The following CDYL2 variants were observed in gnomAD, a reference collection of about 807,000 sequenced individuals.
The protein encoded by CDYL2 is chromodomain Y like 2.
CDYL2 carries 23 observed loss-of-function variants against 49.4 expected under a neutral mutation model. The ratio of observed to expected loss-of-function variants is 0.47; its 90% CI spans 0.34 to 0.66. The LOEUF (loss-of-function observed/expected upper bound fraction) is 0.66. CDYL2 is among the 30% of genes least tolerant of loss of function. The probability of loss-of-function intolerance (pLI) is 0.01; values close to 1 mark genes in which losing one functional copy is unlikely to be tolerated. For synonymous variants in CDYL2, 360 were observed against 268.8 expected (o/e 1.34, Z -3.32); for missense variants, 678 against 656.4 (o/e 1.03, Z -0.36).
chr16:80,692,539 G>C (rs995073054), intron 1 of CDYL2, among the ~76,000 whole-genome samples: 1 of 152,162 alleles, frequency 6.6e-6, no homozygotes, highest in Non-Finnish European at 1.5e-5. Flanking sequence ...AGAAGGTGTA[G>C]TAAGAATACA....
At chr16:80,738,600 C>G (rs1163411846) in intron 1 of CDYL2, 1 of 152,172 alleles carries the variant, frequency 6.6e-6, no homozygotes, top group Admixed American at 6.5e-5. Flanking sequence ...GTTGCCAGGG[C>G]TAAGGTGGGG....
chr16:80,772,562 C>G (rs1384596338), intron 1 of CDYL2, among the ~76,000 whole-genome samples: 1 of 152,310 alleles, frequency 6.6e-6, no homozygotes, highest in African/African-American at 2.4e-5. Flanking sequence ...AAGTAATTCT[C>G]CTGCCTCAGC....
At chr16:80,654,908 G>C (rs1390831565) in intron 2 of CDYL2, among the ~76,000 whole-genome samples, 1 of 152,046 alleles carries the variant, frequency 6.6e-6, no homozygotes, top group African/African-American at 2.4e-5. Flanking sequence ...TTGTGTAGAG[G>C]GAGTTGTTCC....
chr16:80,760,146 C>A (rs768468162), intron 1 of CDYL2, among the ~76,000 whole-genome samples: 1 of 152,170 alleles, frequency 6.6e-6, no homozygotes, highest in Non-Finnish European at 1.5e-5. Context: ...TCATGCATGA[C>A]GATATTATCC....
chr16:80,780,940 T>C (rs189901487), intron 1 of CDYL2, among the ~76,000 whole-genome samples: 1 of 152,268 alleles, frequency 6.6e-6, no homozygotes, highest in Non-Finnish European at 1.5e-5. Context: ...AAAAAATGGC[T>C]CAATCTCAGT....
chr16:80,667,376 T>C (rs1412151165), intron 2 of CDYL2, among the ~76,000 whole-genome samples: 1 of 152,222 alleles, frequency 6.6e-6, no homozygotes, highest in Non-Finnish European at 1.5e-5. Context: ...CCCTCAGCTC[T>C]ATGCCCTTGT....
intron 1 of CDYL2, among the ~76,000 whole-genome samples, chr16:80,778,059 A>G (rs1468663982): frequency 6.6e-6 from 1 of 152,090 alleles, no homozygotes; most frequent in Non-Finnish European, 1.5e-5. Flanking sequence ...AATGGGGAAG[A>G]GTATACGATC....
intron 1 of CDYL2, among the ~76,000 whole-genome samples, chr16:80,796,911 C>T (rs747779870): frequency 2.0e-5 from 3 of 152,170 alleles, no homozygotes; most frequent in South Asian, 2.1e-4. Context: ...TTACCAATGA[C>T]TCACTGGTTA....
chr16:80,786,890 G>A (rs1265577139), intron 1 of CDYL2, among the ~76,000 whole-genome samples: 6 of 151,282 alleles, frequency 4.0e-5, no homozygotes, highest in African/African-American at 1.2e-4. Context: ...TGAAAACAGG[G>A]AAGGGAACAT....
chr16:80,692,332 C>G (rs1910449768), intron 1 of CDYL2, among the ~76,000 whole-genome samples: 1 of 152,160 alleles, frequency 6.6e-6, no homozygotes, highest in African/African-American at 2.4e-5. Context: ...ACATTATGTT[C>G]CAGAACACCT....
chr16:80,678,317 A>G (rs1180883902), intron 2 of CDYL2, among the ~76,000 whole-genome samples: 1 of 152,168 alleles, frequency 6.6e-6, no homozygotes, highest in Non-Finnish European at 1.5e-5. Flanking sequence ...CATCAGAGTG[A>G]ACAGGCAACC....
intron 2 of CDYL2, among the ~76,000 whole-genome samples, chr16:80,640,425 C>A (rs747137874): frequency 6.6e-6 from 1 of 152,148 alleles, no homozygotes; most frequent in Non-Finnish European, 1.5e-5. Context: ...CAGCAATATA[C>A]AGGTACCACG....
chr16:80,783,980 C>T (rs1471647405), intron 1 of CDYL2, among the ~76,000 whole-genome samples: 1 of 152,150 alleles, frequency 6.6e-6, no homozygotes, highest in South Asian at 2.1e-4. Flanking sequence ...AACTAGACAA[C>T]ATTGTGAAAG....
At chr16:80,638,796 A>G (rs1017278109) in intron 2 of CDYL2, among the ~76,000 whole-genome samples, 1 of 152,200 alleles carries the variant, frequency 6.6e-6, no homozygotes, top group Non-Finnish European at 1.5e-5. Context: ...AAAAGAACCT[A>G]GACACAAACT....
rs926684621 is a variant in CDYL2 at position 80,600,018 on chromosome 16, T to G, written c.*4370A>C. ...CCCGTATTACCCTTTTTAAATTTTTTTGCAACAAGCTTAAGGCTCTGTTCA... is the reference window on the plus strand; with the variant it reads ...CCCGTATTACCCTTTTTAAATTTTTGTGCAACAAGCTTAAGGCTCTGTTCA... On this transcript the variant is annotated 3_prime_UTR_variant, in exon 7 of 7. Transcript: ENST00000570137. The G allele has an allele frequency of 1.3e-5, 2 of 152,202 alleles. No homozygotes were observed. Among genetic ancestry groups the G allele is most frequent in the African/African-American group, 4.8e-5 (2 of 41,460 alleles). 9.4% of individuals were successfully genotyped at this position (152,202 alleles called of 1,614,324 possible). A position where few individuals can be genotyped will look rare whatever the true frequency, so the allele number is the denominator to read the frequency against.
intron 1 of CDYL2, among the ~76,000 whole-genome samples, chr16:80,725,343 T>C (rs578130715): frequency 6.6e-6 from 1 of 152,314 alleles, no homozygotes; most frequent in African/African-American, 2.4e-5. Context: ...TGAGCACTCT[T>C]TTCTATCCCT....
chr16:80,697,665 A>G (rs1904281599), intron 1 of CDYL2, among the ~76,000 whole-genome samples: 1 of 152,178 alleles, frequency 6.6e-6, no homozygotes, highest in Admixed American at 6.5e-5. Flanking sequence ...TCTTATATAT[A>G]TATAAATCTA....
At chr16:80,785,666 G>A (rs548017375) in intron 1 of CDYL2, among the ~76,000 whole-genome samples, 3 of 152,148 alleles carry the variant, frequency 2.0e-5, no homozygotes, top group Non-Finnish European at 4.4e-5. Context: ...ACAATCTGGA[G>A]CAAGAAGAAC....
At chr16:80,684,427 G>C (rs920049748) in intron 2 of CDYL2, 111 bp downstream of exon 2, 3 of 997,534 alleles carry the variant, frequency 3.0e-6, no homozygotes, top group Non-Finnish European at 3.0e-6. Context: ...TTGCTGGCTA[G>C]CTAAGAGACG....
Sources: allele counts gnomAD v4.1 joint callset (sites outside exome capture counted in the v4.1 genomes callset), GRCh38; gene constraint gnomAD v4.1.1; transcripts MANE v1.5; gene names NCBI Gene and HGNC (gene_info 2026-07-23, HGNC 2026-07-21).